Variants in SMYD3 observed in about 807,000 individuals in gnomAD.
The protein encoded by SMYD3 is SET and MYND domain containing 3.
In SMYD3, 36 loss-of-function variants were observed where a neutral mutation model predicts 57.7. That is an observed-to-expected ratio of 0.62 (90% confidence interval 0.48 to 0.82). The LOEUF (loss-of-function observed/expected upper bound fraction) is 0.82, where lower values mean the gene tolerates loss of function less well. Among genes scored for constraint, SMYD3 ranks in the 40% least tolerant of loss-of-function variants. SMYD3 has a pLI of 0.00. For synonymous variants in SMYD3, 211 were observed against 195.0 expected, an observed-to-expected ratio of 1.08 and a Z score of -0.68; for missense variants, 515 against 538.8, an observed-to-expected ratio of 0.96 and a Z score of 0.44.
At chr1:246,226,782 G>A (rs908814268) in intron 5 of SMYD3, among the ~76,000 whole-genome samples, 3 of 152,150 alleles carry the variant, frequency 2.0e-5, no homozygotes, top group Admixed American at 6.5e-5. Flanking sequence ...TGAATAAAGT[G>A]GAGATATGCA....
intron 10 of SMYD3, among the ~76,000 whole-genome samples, chr1:245,785,276 G>A (rs1231930370): frequency 5.3e-5 from 8 of 151,944 alleles, no homozygotes; most frequent in Non-Finnish European, 8.8e-5. Context: ...AATACCAATT[G>A]TCACAATGGT....
chr1:245,955,607 G>A (rs1032550946), intron 5 of SMYD3, among the ~76,000 whole-genome samples: 3 of 152,100 alleles, frequency 2.0e-5, no homozygotes, highest in African/African-American at 7.2e-5. Flanking sequence ...ACAGTATATT[G>A]TTATAATTGT....
At chr1:246,092,934 C>CAA (rs1419314141) in intron 5 of SMYD3, among the ~76,000 whole-genome samples, 1 of 149,436 alleles carries the variant, frequency 6.7e-6, no homozygotes, top group Non-Finnish European at 1.5e-5. Flanking sequence ...AAAAAAAAAA[C>CAA]AAAAAATGGG....
chr1:245,816,434 C>G (rs1051710724), intron 10 of SMYD3, among the ~76,000 whole-genome samples: 5 of 143,018 alleles, frequency 3.5e-5, no homozygotes, highest in Admixed American at 7.4e-5. Flanking sequence ...TGGAACAATG[C>G]AATACTCATC....
chr1:245,895,716 G>A (rs1026564901), intron 8 of SMYD3, among the ~76,000 whole-genome samples: 1 of 152,172 alleles, frequency 6.6e-6, no homozygotes, highest in African/African-American at 2.4e-5. Context: ...ACGGTTTACA[G>A]GGCATAGCCC....
At chr1:246,481,627 C>CATAT in intron 1 of SMYD3, among the ~76,000 whole-genome samples, 1 of 25,892 alleles carries the variant, frequency 3.9e-5, no homozygotes, top group Non-Finnish European at 8.4e-5. Context: ...TATATACATA[C>CATAT]ATACATACAC....
intron 1 of SMYD3, among the ~76,000 whole-genome samples, chr1:246,505,836 T>A (rs781357441): frequency 2.2e-4 from 33 of 152,248 alleles, no homozygotes; most frequent in Non-Finnish European, 4.3e-4. Flanking sequence ...TGTCACCATT[T>A]ATTCATTCCA....
At chr1:246,284,485 C>G (rs564366939) in intron 5 of SMYD3, among the ~76,000 whole-genome samples, 1 of 151,140 alleles carries the variant, frequency 6.6e-6, no homozygotes, top group South Asian at 2.1e-4. Context: ...GGCTTGATCT[C>G]GGCTCACTGC....
intron 1 of SMYD3, among the ~76,000 whole-genome samples, chr1:246,376,646 A>G (rs973442644): frequency 7.3e-5 from 11 of 151,606 alleles, no homozygotes; most frequent in African/African-American, 2.4e-4. Context: ...CAACATTACA[A>G]TGAACACATA....
At chr1:246,368,896 G>A (rs2148727181) in intron 1 of SMYD3, among the ~76,000 whole-genome samples, 1 of 152,292 alleles carries the variant, frequency 6.6e-6, no homozygotes, top group Admixed American at 6.5e-5. Flanking sequence ...TCCTCCGCCT[G>A]CAGATGACCT....
chr1:245,999,294 T>G (rs1245049314), intron 5 of SMYD3, among the ~76,000 whole-genome samples: 3 of 152,122 alleles, frequency 2.0e-5, no homozygotes, highest in Non-Finnish European at 4.4e-5. Context: ...ATAATAACAT[T>G]AGCAATGCTG....
chr1:245,984,161 G>A (rs1314782533), intron 5 of SMYD3, among the ~76,000 whole-genome samples: 6 of 151,806 alleles, frequency 4.0e-5, no homozygotes, highest in South Asian at 2.1e-4. Flanking sequence ...CACCACGCCC[G>A]GGTAATTTTT....
chr1:245,972,229 C>T lies in SMYD3; in HGVS notation c.532-42292G>A, dbSNP rs1351659477. 5.9e-5 allele frequency among the ~76,000 whole-genome samples: 9 copies of T among 152,158 alleles called. 1 individual carries two copies. The highest frequency in any genetic ancestry group is 2.9e-5 in the Non-Finnish European group (2 of 68,024). On this transcript the variant is annotated intron_variant, in intron 5 of 11. Coordinates refer to ENST00000490107, the MANE Select transcript of SMYD3 (RefSeq NM_001167740.2). ...CTCTATTTTCATTCGGATACCAAGT[C>T]CTGAGACACCTTAGCTGGCTAGGTA...
At chr1:245,749,745 A>T (rs972074585) in intron 11 of SMYD3, 81 bp from the exon 12 acceptor site, 19 of 1,093,134 alleles carry the variant, frequency 1.7e-5, no homozygotes, top group Non-Finnish European at 2.6e-5. Flanking sequence ...CCATGATGCC[A>T]GGGGCCTGGT....
intron 5 of SMYD3, among the ~76,000 whole-genome samples, chr1:246,208,836 A>T (rs995746492): frequency 6.6e-6 from 1 of 151,730 alleles, no homozygotes; most frequent in Non-Finnish European, 1.5e-5. Context: ...ATTAAACAGC[A>T]TGTGGAATGG....
At chr1:246,200,993 G>A (rs961448176) in intron 5 of SMYD3, among the ~76,000 whole-genome samples, 1 of 152,150 alleles carries the variant, frequency 6.6e-6, no homozygotes. Flanking sequence ...TCTTGACAAC[G>A]AGGATTTCTT....
rs183069973 is a variant in SMYD3 at position 245,880,389 on chromosome 1, A to G, written c.814-16503T>C. ...TTCCTGGCTGGCTGGCTGAACAACCAACTATATCTTAGGATTAACTGATGT... is the reference window on the plus strand; with the variant it reads ...TTCCTGGCTGGCTGGCTGAACAACCGACTATATCTTAGGATTAACTGATGT... On this transcript the variant is annotated intron_variant, in intron 8 of 11. Coordinates refer to ENST00000490107, the MANE Select transcript of SMYD3 (RefSeq NM_001167740.2). Among the ~76,000 whole-genome samples, 19 of 152,338 alleles carry G rather than the reference A, an allele frequency of 1.2e-4. No homozygotes were observed. In the East Asian group the frequency reaches 3.5e-3, roughly 28 times the overall value.
At chr1:245,898,858 G>T (rs2054002273) in intron 8 of SMYD3, among the ~76,000 whole-genome samples, 1 of 152,178 alleles carries the variant, frequency 6.6e-6, no homozygotes, top group African/African-American at 2.4e-5. Context: ...CATTTGGTCT[G>T]TTCAGCTCCT....
chr1:245,858,370 C>G (rs1279908862), intron 10 of SMYD3, 126 bp downstream of exon 10: 15 of 960,224 alleles, frequency 1.6e-5, no homozygotes, highest in Non-Finnish European at 2.3e-5. Context: ...TGGTTTTAAA[C>G]AATGGTTGAG....
Sources: gnomAD v4.1 joint callset for allele counts (sites outside exome capture counted in the v4.1 genomes callset) on GRCh38, gnomAD v4.1.1 for gene constraint, MANE v1.5 for transcripts, NCBI Gene and HGNC (gene_info 2026-07-23, HGNC 2026-07-21) for gene names.